CTNNA2: variants seen among roughly 807,000 people sequenced by gnomAD.
CTNNA2 encodes catenin alpha-2.
In CTNNA2, 42 loss-of-function variants were observed where a neutral mutation model predicts 101.0. That is an observed-to-expected ratio of 0.42 (90% CI 0.32 to 0.54). The LOEUF is 0.54. Ranked by LOEUF, CTNNA2 falls within the 20% of genes least tolerant of loss-of-function variation. The pLI is 0.14. For missense variants in CTNNA2, 871 were observed against 1,223.1 expected (o/e 0.71, Z 4.29); for synonymous variants, 450 against 456.4 (o/e 0.99, Z 0.18).
At chr2:79,946,397 T>C (rs1174417878) in intron 7 of CTNNA2, among the ~76,000 whole-genome samples, 1 of 152,198 alleles carries the variant, frequency 6.6e-6, no homozygotes, top group Admixed American at 6.5e-5. Context: ...TTAATTACAC[T>C]GAGAACTGAA....
At chr2:79,609,170 T>C (rs1157895534) in intron 1 of CTNNA2, among the ~76,000 whole-genome samples, 3 of 151,976 alleles carry the variant, frequency 2.0e-5, no homozygotes, top group Non-Finnish European at 4.4e-5. Context: ...TATACAATAT[T>C]GCTGAACAAA....
intron 18 of CTNNA2, among the ~76,000 whole-genome samples, chr2:80,640,109 C>CA (rs550111018): frequency 1.3e-4 from 20 of 151,154 alleles, no homozygotes; most frequent in Non-Finnish European, 2.2e-4. Context: ...CAAAAAAAAA[C>CA]AAAAAAACAA....
intron 18 of CTNNA2, among the ~76,000 whole-genome samples, chr2:80,639,488 G>A (rs183189322): frequency 1.3e-5 from 2 of 148,592 alleles, no homozygotes; most frequent in South Asian, 2.1e-4. Context: ...GGGATTATAG[G>A]CATGAACCAC....
rs567956875 is a variant in CTNNA2 at position 79,948,869 on chromosome 2, A to G, written c.1056+39072A>G. 9.6e-3 allele frequency among the ~76,000 whole-genome samples: 1,457 copies of G among 152,180 alleles called. 31 individuals are homozygous for G. Among genetic ancestry groups the G allele is most frequent in the African/African-American group, 0.033 (1,386 of 41,524 alleles). On this transcript the variant is annotated intron_variant, in intron 7 of 18. Transcript: ENST00000402739. Reference sequence around the variant, plus strand: ...TGTAGTCCCAGCTACTCAGGAGGCTAAGGCAGGAGAATGGCGTGAACCCGG... The same window carrying G: ...TGTAGTCCCAGCTACTCAGGAGGCTGAGGCAGGAGAATGGCGTGAACCCGG...
intron 3 of CTNNA2, among the ~76,000 whole-genome samples, chr2:79,811,673 C>CT (rs1677051673): frequency 6.6e-6 from 1 of 151,914 alleles, no homozygotes. Context: ...TAACTTTGTT[C>CT]TTTTTTCAAA....
intron 3 of CTNNA2, among the ~76,000 whole-genome samples, chr2:79,850,998 C>A (rs1680657164): frequency 6.6e-6 from 1 of 152,194 alleles, no homozygotes; most frequent in South Asian, 2.1e-4. Context: ...AGAAGACATT[C>A]CTATGTTTGC....
At chr2:79,403,780 G>A (rs866657733) in intron 4 of CTNNA2, among the ~76,000 whole-genome samples, 9 of 152,004 alleles carry the variant, frequency 5.9e-5, no homozygotes, top group African/African-American at 2.2e-4. Context: ...AGCAAATTTT[G>A]GTGAAAACTA....
At chr2:80,491,708 A>G (rs1175539607) in intron 9 of CTNNA2, among the ~76,000 whole-genome samples, 1 of 152,166 alleles carries the variant, frequency 6.6e-6, no homozygotes, top group Non-Finnish European at 1.5e-5. Context: ...TACCTGTTGT[A>G]CTTGCATAAT....
intron 7 of CTNNA2, among the ~76,000 whole-genome samples, chr2:80,187,372 G>C (rs1706196418): frequency 6.6e-6 from 1 of 152,192 alleles, no homozygotes; most frequent in South Asian, 2.1e-4. Flanking sequence ...GTACACAGTA[G>C]AAGATAGTCA....
At chr2:80,481,211 T>A (rs1686117103) in intron 9 of CTNNA2, among the ~76,000 whole-genome samples, 1 of 152,134 alleles carries the variant, frequency 6.6e-6, no homozygotes, top group African/African-American at 2.4e-5. Context: ...GTGAAAGTAA[T>A]CTCTATTATT....
intron 3 of CTNNA2, among the ~76,000 whole-genome samples, chr2:79,362,864 T>C (rs1677662298): frequency 6.6e-6 from 1 of 152,162 alleles, no homozygotes; most frequent in Admixed American, 6.5e-5. Flanking sequence ...GAAGTAAACA[T>C]TTTTGTTTCA....
chr2:80,017,549 G>A (rs1428493729), intron 7 of CTNNA2, among the ~76,000 whole-genome samples: 1 of 151,650 alleles, frequency 6.6e-6, no homozygotes, highest in Non-Finnish European at 1.5e-5. Flanking sequence ...AACAAGGGTA[G>A]CTTTAAAAAG....
chr2:80,461,280 T>A (rs1684398822), intron 9 of CTNNA2, among the ~76,000 whole-genome samples: 1 of 152,172 alleles, frequency 6.6e-6, no homozygotes, highest in African/African-American at 2.4e-5. Context: ...TGACATGATG[T>A]CTGATCACCC....
chr2:79,394,476 T>C (rs1378803752), intron 4 of CTNNA2, among the ~76,000 whole-genome samples: 2 of 152,164 alleles, frequency 1.3e-5, no homozygotes, highest in African/African-American at 2.4e-5. Context: ...CAATCAAAAA[T>C]ACATTACAAA....
At chr2:80,371,638 A>G (rs944926396) in intron 7 of CTNNA2, among the ~76,000 whole-genome samples, 2 of 151,994 alleles carry the variant, frequency 1.3e-5, no homozygotes, top group Admixed American at 6.6e-5. Flanking sequence ...GGAGCATTGT[A>G]GATTCTAACA....
At chr2:80,564,230 A>G (rs1011688998) in intron 12 of CTNNA2, among the ~76,000 whole-genome samples, 1 of 152,200 alleles carries the variant, frequency 6.6e-6, no homozygotes, top group Non-Finnish European at 1.5e-5. Context: ...GCCAAATTAG[A>G]CTGTATTTAT....
intron 7 of CTNNA2, chr2:80,298,727 A>G (rs1675981741): frequency 6.6e-6 from 1 of 152,232 alleles, no homozygotes; most frequent in Admixed American, 6.5e-5. Context: ...TGATGAGTTC[A>G]GAAGAATATT....
chr2:80,025,883 T>A (rs1694895352), intron 7 of CTNNA2, among the ~76,000 whole-genome samples: 1 of 152,126 alleles, frequency 6.6e-6, no homozygotes, highest in Non-Finnish European at 1.5e-5. Flanking sequence ...CTCAAGGTGC[T>A]CGAGAAACAG....
intron 7 of CTNNA2, among the ~76,000 whole-genome samples, chr2:80,202,192 T>C (rs926961700): frequency 3.3e-5 from 5 of 152,204 alleles, no homozygotes; most frequent in African/African-American, 1.2e-4. Context: ...CTTTTCCTAT[T>C]ACTAAACCTG....
Sources: gnomAD v4.1 joint callset for allele counts (sites outside exome capture counted in the v4.1 genomes callset) on GRCh38, gnomAD v4.1.1 for gene constraint, MANE v1.5 for transcripts, NCBI Gene and HGNC (gene_info 2026-07-23, HGNC 2026-07-21) for gene names.